FAM117B: variants seen among roughly 807,000 people sequenced by gnomAD.
FAM117B encodes protein FAM117B.
FAM117B carries 22 observed loss-of-function variants against 52.8 expected under a neutral mutation model. The ratio of observed to expected loss-of-function variants is 0.42; its 90% CI spans 0.30 to 0.59. The LOEUF is 0.59. Ranked by LOEUF, FAM117B falls within the 20% of genes least tolerant of loss-of-function variation. The probability of loss-of-function intolerance (pLI) is 0.22; values close to 1 mark genes in which losing one functional copy is unlikely to be tolerated. For missense variants in FAM117B, 678 were observed against 802.6 expected, an observed-to-expected ratio of 0.84 and a Z score of 1.88; for synonymous variants, 309 against 324.1, an observed-to-expected ratio of 0.95 and a Z score of 0.50.
chr2:202,726,614 G>A (rs570435900), intron 4 of FAM117B, among the ~76,000 whole-genome samples: 1 of 152,188 alleles, frequency 6.6e-6, no homozygotes, highest in African/African-American at 2.4e-5. Context: ...CATATTTTTG[G>A]CTTTATCAGT....
chr2:202,663,122 A>G (rs1255319373), intron 1 of FAM117B, among the ~76,000 whole-genome samples: 1 of 152,242 alleles, frequency 6.6e-6, no homozygotes, highest in African/African-American at 2.4e-5. Context: ...ATCAATAGGT[A>G]CACTTCTACA....
intron 1 of FAM117B, among the ~76,000 whole-genome samples, chr2:202,667,653 C>T (rs1690226365): frequency 6.6e-6 from 1 of 151,998 alleles, no homozygotes; most frequent in African/African-American, 2.4e-5. Context: ...TCAAGATAAA[C>T]CTTAGCCATT....
At position 202,751,920 on chromosome 2, in the gene FAM117B, C is replaced by G. The variant is rs538457683; in HGVS notation, c.961-3618C>G. Among the ~76,000 whole-genome samples the G allele has an allele frequency of 3.6e-3, 547 of 151,358 alleles. 6 individuals are homozygous for G. The highest frequency in any genetic ancestry group is 0.012 in the African/African-American group (514 of 41,254). On this transcript the variant is annotated intron_variant, in intron 4 of 7. Transcript: ENST00000392238. Reference sequence around the variant, plus strand: ...ATAAAACACTTATAGAACACCCAAACTTAAAATTTTCTTTCCTTTGGTAGT... The same window carrying G: ...ATAAAACACTTATAGAACACCCAAAGTTAAAATTTTCTTTCCTTTGGTAGT...
At chr2:202,759,659 G>T (rs1271902634) in intron 7 of FAM117B, among the ~76,000 whole-genome samples, 3 of 151,434 alleles carry the variant, frequency 2.0e-5, no homozygotes, top group Non-Finnish European at 4.4e-5. Flanking sequence ...CTGGGTTCAT[G>T]CCATTCTCCT....
intron 1 of FAM117B, among the ~76,000 whole-genome samples, chr2:202,646,425 A>G (rs1175013310): frequency 6.6e-6 from 1 of 152,240 alleles, no homozygotes; most frequent in Non-Finnish European, 1.5e-5. Context: ...AGGGACTCCC[A>G]AAAGTAGGTT....
chr2:202,739,191 AAAC>A (rs1187387037), intron 4 of FAM117B, among the ~76,000 whole-genome samples: 4 of 152,300 alleles, frequency 2.6e-5, no homozygotes, highest in South Asian at 4.1e-4. Context: ...TCTTGTCTCA[AAAC>A]AACAACAACA....
At chr2:202,725,030 A>T (rs759610180) in intron 3 of FAM117B, 21 bp downstream of exon 3, 2 of 1,574,332 alleles carry the variant, frequency 1.3e-6, no homozygotes, top group East Asian at 2.3e-5. Flanking sequence ...TGGTTCTAAG[A>T]TAGTGGGTGT....
At chr2:202,688,364 T>C (rs1690575328) in intron 1 of FAM117B, among the ~76,000 whole-genome samples, 1 of 152,192 alleles carries the variant, frequency 6.6e-6, no homozygotes, top group Non-Finnish European at 1.5e-5. Flanking sequence ...ATCAGAATTT[T>C]GCGTTTCCTT....
intron 4 of FAM117B, among the ~76,000 whole-genome samples, chr2:202,730,441 G>A (rs1356196852): frequency 2.6e-5 from 4 of 152,076 alleles, no homozygotes; most frequent in African/African-American, 4.8e-5. Context: ...AGGCCGAGGC[G>A]GGTGGGTTGC....
chr2:202,708,400 CT>C (rs898386499), intron 2 of FAM117B, among the ~76,000 whole-genome samples: 24 of 151,320 alleles, frequency 1.6e-4, no homozygotes, highest in Admixed American at 7.3e-4. Context: ...TGCAGAATTT[CT>C]TTTTTTTTAA....
intron 1 of FAM117B, among the ~76,000 whole-genome samples, chr2:202,691,615 G>A (rs1327092263): frequency 6.7e-6 from 1 of 149,590 alleles, no homozygotes; most frequent in Non-Finnish European, 1.5e-5. Flanking sequence ...ACAGCTTTTA[G>A]CCATTTGATA....
chr2:202,765,194 A>G (rs1261414855), intron 7 of FAM117B, among the ~76,000 whole-genome samples: 1 of 152,158 alleles, frequency 6.6e-6, no homozygotes, highest in East Asian at 1.9e-4. Flanking sequence ...TGGGGCTGTC[A>G]AGGGAACTGA....
chr2:202,700,729 T>G (rs1279420319), intron 2 of FAM117B, among the ~76,000 whole-genome samples: 1 of 148,816 alleles, frequency 6.7e-6, no homozygotes, highest in Non-Finnish European at 1.5e-5. Context: ...CTCTGTCACC[T>G]AGGCTGGAGT....
chr2:202,720,531 G>A (rs189951829), intron 2 of FAM117B, among the ~76,000 whole-genome samples: 28 of 149,860 alleles, frequency 1.9e-4, no homozygotes, highest in African/African-American at 6.4e-4. Flanking sequence ...AACAGCATTA[G>A]GTCACCTAAA....
In FAM117B at chr2:202,635,730, G is replaced by T. The variant is rs756202725; in HGVS notation, c.543G>T (p.Pro181=). ...GCGTCCGGCATCGGAGGAGGTCTCC[G>T]GAGCAGAGCCGAAGCTCGCCGGAGA... ...PARVRHRRRS[P]EQSRSSPEKR... The change falls in exon 1 of 8, where the codon CCG becomes CCT. Residue 181 remains proline (P), a synonymous_variant. Transcript: ENST00000392238. The T allele has an allele frequency of 7.4e-5, 108 of 1,454,854 alleles. 1 individual carries two copies. Among genetic ancestry groups the T allele is most frequent in the Admixed American group, 2.4e-5 (1 of 41,080 alleles). The allele number at this position is 1,454,854 out of a possible 1,614,324, so 90.1% of individuals were successfully genotyped here.
intron 4 of FAM117B, among the ~76,000 whole-genome samples, chr2:202,735,472 T>C (rs1691424447): frequency 6.6e-6 from 1 of 152,202 alleles, no homozygotes; most frequent in Non-Finnish European, 1.5e-5. Flanking sequence ...TAGAAAAGAA[T>C]TCTCACATAC....
chr2:202,763,073 T>C (rs1691920041), intron 7 of FAM117B, among the ~76,000 whole-genome samples: 1 of 142,944 alleles, frequency 7.0e-6, no homozygotes, highest in East Asian at 2.0e-4. Context: ...CTTAAGTCTT[T>C]TTTTTTTTTT....
chr2:202,635,355 G>GAGCGGC lies in FAM117B; in HGVS notation c.169_174dup (p.Ser57_Gly58dup), dbSNP rs969521357. 95 of 1,377,106 alleles carry GAGCGGC rather than the reference G, an allele frequency of 6.9e-5. No homozygotes were observed. Among genetic ancestry groups the GAGCGGC allele is most frequent in the Non-Finnish European group, 8.6e-5 (92 of 1,066,412 alleles). The allele number at this position is 1,377,106 out of a possible 1,614,324, so 85.3% of individuals were successfully genotyped here. A position where few individuals can be genotyped will look rare whatever the true frequency, so the allele number is the denominator to read the frequency against. Reference sequence around the variant, plus strand: ...AGCAGCAACATGGCAGCCCCACGCGGAGCGGCGGCGGCGGCGGCGGCAACA... The same window carrying GAGCGGC: ...AGCAGCAACATGGCAGCCCCACGCGGAGCGGCAGCGGCGGCGGCGGCGGCGGCAACA... On this transcript the variant is annotated inframe_insertion, in exon 1 of 8. Coordinates refer to ENST00000392238, the MANE Select transcript of FAM117B (RefSeq NM_173511.4).
At chr2:202,748,802 C>G (rs1325346918) in intron 4 of FAM117B, among the ~76,000 whole-genome samples, 2 of 151,922 alleles carry the variant, frequency 1.3e-5, no homozygotes, top group Non-Finnish European at 2.9e-5. Context: ...TGGCTGTTAT[C>G]AAAAAGACAA....
Sources: allele counts gnomAD v4.1 joint callset (sites outside exome capture counted in the v4.1 genomes callset), GRCh38; gene constraint gnomAD v4.1.1; transcripts MANE v1.5; gene names NCBI Gene and HGNC (gene_info 2026-07-23, HGNC 2026-07-21).